Variants in GALNT13 observed in about 807,000 individuals in gnomAD.
The protein encoded by GALNT13 is polypeptide N-acetylgalactosaminyltransferase 13, also known as UDP-GalNAc:polypeptide N-acetylgalactosaminyltransferase 13.
Under a neutral mutation model 64.2 loss-of-function variants are expected in GALNT13, and 28 were observed. That is an observed-to-expected ratio of 0.44 (90% confidence interval 0.32 to 0.60). The LOEUF is 0.60. Ranked by LOEUF, GALNT13 falls within the 20% of genes least tolerant of loss-of-function variation. The pLI is 0.05. For synonymous variants in GALNT13, 214 were observed against 224.6 expected, an observed-to-expected ratio of 0.95 and a Z score of 0.42; for missense variants, 577 against 669.8, an observed-to-expected ratio of 0.86 and a Z score of 1.53.
intron 4 of GALNT13, among the ~76,000 whole-genome samples, chr2:154,158,965 G>A (rs985640633): frequency 6.6e-6 from 1 of 151,568 alleles, no homozygotes; most frequent in East Asian, 1.9e-4. Context: ...CCCTTATTCT[G>A]GTATATTTTT....
the GALNT13 span, among the ~76,000 whole-genome samples, chr2:153,331,498 G>T: frequency 6.6e-6 from 1 of 152,104 alleles, no homozygotes; most frequent in African/African-American, 2.4e-5. Context: ...CTGTCTGCAG[G>T]CTGAGGAGCA....
At chr2:153,986,674 C>T (rs1269343938) in intron 3 of GALNT13, among the ~76,000 whole-genome samples, 1 of 151,884 alleles carries the variant, frequency 6.6e-6, no homozygotes, top group Non-Finnish European at 1.5e-5. Context: ...TGTACTAGTG[C>T]TTTAACTAGC....
At chr2:153,403,980 C>T in the GALNT13 span, among the ~76,000 whole-genome samples, 1 of 152,178 alleles carries the variant, frequency 6.6e-6, no homozygotes, top group African/African-American at 2.4e-5. Context: ...TTTTGAAATT[C>T]TAATCCACAA....
chr2:153,468,821 C>T, the GALNT13 span, among the ~76,000 whole-genome samples: 5 of 152,128 alleles, frequency 3.3e-5, no homozygotes, highest in Admixed American at 2.0e-4. Flanking sequence ...GGGTAGCACA[C>T]GGTGTACTGG....
chr2:153,577,494 G>A, the GALNT13 span, among the ~76,000 whole-genome samples: 14,192 of 152,042 alleles, frequency 0.093, 764 homozygotes, highest in African/African-American at 0.14. Flanking sequence ...CAGAAAAATT[G>A]ATAAATATAT....
chr2:153,968,933 A>C (rs1693557506), intron 3 of GALNT13, among the ~76,000 whole-genome samples: 1 of 147,330 alleles, frequency 6.8e-6, no homozygotes, highest in Non-Finnish European at 1.5e-5. Flanking sequence ...AAATTACTTT[A>C]AAATCAGAAA....
the GALNT13 span, among the ~76,000 whole-genome samples, chr2:153,141,513 T>C: frequency 6.6e-6 from 1 of 151,968 alleles, no homozygotes; most frequent in South Asian, 2.1e-4. Flanking sequence ...GCAATACAGA[T>C]GGTGGATAGT....
At chr2:154,268,400 A>G (rs1691137976) in intron 8 of GALNT13, among the ~76,000 whole-genome samples, 1 of 152,204 alleles carries the variant, frequency 6.6e-6, no homozygotes, top group African/African-American at 2.4e-5. Flanking sequence ...GTCTGGGGAC[A>G]TGAGATTGAG....
At chr2:154,316,980 A>G (rs1412803631) in intron 9 of GALNT13, among the ~76,000 whole-genome samples, 1 of 152,212 alleles carries the variant, frequency 6.6e-6, no homozygotes, top group Non-Finnish European at 1.5e-5. Context: ...TGGGAGGCCA[A>G]GGCAGGCAGA....
chr2:153,595,011 A>C, the GALNT13 span, among the ~76,000 whole-genome samples: 1 of 152,124 alleles, frequency 6.6e-6, no homozygotes, highest in African/African-American at 2.4e-5. Flanking sequence ...ATCTAAATCT[A>C]AGTAATTACA....
At chr2:154,379,396 G>A (rs947849717) in intron 9 of GALNT13, among the ~76,000 whole-genome samples, 5 of 151,752 alleles carry the variant, frequency 3.3e-5, no homozygotes, top group African/African-American at 1.2e-4. Flanking sequence ...ATCTTTAATA[G>A]TAGATATCAT....
the GALNT13 span, among the ~76,000 whole-genome samples, chr2:153,087,397 GATCTTTGC>G: frequency 6.6e-6 from 1 of 152,026 alleles, no homozygotes; most frequent in Admixed American, 6.6e-5. Context: ...TTTTGTTGAT[GATCTTTGC>G]ATCTATGTTC....
chr2:154,218,514 C>G (rs1688161821), intron 4 of GALNT13, among the ~76,000 whole-genome samples: 1 of 152,112 alleles, frequency 6.6e-6, no homozygotes, highest in Admixed American at 6.6e-5. Context: ...TTTATTCACT[C>G]ATTTCCAATT....
the GALNT13 span, among the ~76,000 whole-genome samples, chr2:153,303,061 A>T: frequency 6.6e-6 from 1 of 152,222 alleles, no homozygotes; most frequent in East Asian, 1.9e-4. Context: ...TGATTGTTTT[A>T]TCTATTTCTG....
intron 1 of GALNT13, among the ~76,000 whole-genome samples, chr2:153,886,576 G>A (rs906741155): frequency 1.8e-4 from 28 of 152,028 alleles, no homozygotes; most frequent in Admixed American, 7.9e-4. Context: ...TCATAGGTGG[G>A]AATTGAACAA....
chr2:153,495,417 A>G, the GALNT13 span, among the ~76,000 whole-genome samples: 4 of 152,234 alleles, frequency 2.6e-5, no homozygotes, highest in Non-Finnish European at 5.9e-5. Context: ...ATTTGTCCAC[A>G]GAAAAATGTA....
chr2:153,210,011 T>C, the GALNT13 span, among the ~76,000 whole-genome samples: 4,504 of 152,250 alleles, frequency 0.03, 225 homozygotes, highest in African/African-American at 0.1. Context: ...ATTTAATAAA[T>C]AAATATTGGT....
the GALNT13 span, among the ~76,000 whole-genome samples, chr2:153,698,250 AC>A: frequency 8.5e-5 from 13 of 152,306 alleles, no homozygotes; most frequent in African/African-American, 3.1e-4. Context: ...AACAATATTA[AC>A]CTTAAATGTA....
chr2:153,690,742 T>C, the GALNT13 span, among the ~76,000 whole-genome samples: 3 of 152,158 alleles, frequency 2.0e-5, no homozygotes, highest in African/African-American at 7.2e-5. Context: ...CATGGTGTTG[T>C]GGTGAATGAG....
Sources: allele counts gnomAD v4.1 joint callset (sites outside exome capture counted in the v4.1 genomes callset), GRCh38; gene constraint gnomAD v4.1.1; transcripts MANE v1.5; gene names NCBI Gene and HGNC (gene_info 2026-07-23, HGNC 2026-07-21).